Variants in ARL15 observed in about 807,000 individuals in gnomAD.
ARL15 encodes the protein ARF like GTPase 15.
Under a neutral mutation model 25.2 loss-of-function variants are expected in ARL15, and 19 were observed. The observed-to-expected ratio is 0.75, with a 90% CI of 0.53 to 1.10. The LOEUF (loss-of-function observed/expected upper bound fraction) is 1.10, where lower values mean the gene tolerates loss of function less well. Among genes scored for constraint, ARL15 ranks in the 50% least tolerant of loss-of-function variants. The pLI, the probability that ARL15 is intolerant of heterozygous loss-of-function variation, is 0.00. For synonymous variants in ARL15, 94 were observed against 86.8 expected (o/e 1.08, Z -0.46); for missense variants, 220 against 246.0 (o/e 0.89, Z 0.71).
chr5:54,205,183 G>A (rs139734387), intron 1 of ARL15, among the ~76,000 whole-genome samples: 28 of 152,134 alleles, frequency 1.8e-4, no homozygotes, highest in Middle Eastern at 3.4e-3. Context: ...GCTCACTTTG[G>A]ATGAAGTACT....
chr5:54,110,231 C>G (rs962827826), intron 4 of ARL15, among the ~76,000 whole-genome samples: 1 of 151,918 alleles, frequency 6.6e-6, no homozygotes, highest in African/African-American at 2.4e-5. Flanking sequence ...ATACAACTTC[C>G]TTATGATTTT....
intron 3 of ARL15, among the ~76,000 whole-genome samples, chr5:54,118,497 T>G (rs964109017): frequency 1.3e-5 from 2 of 152,224 alleles, no homozygotes; most frequent in Non-Finnish European, 2.9e-5. Flanking sequence ...TAACATGGCT[T>G]TAATTTCTGA....
chr5:54,077,943 GT>G (rs1278524978), intron 4 of ARL15, among the ~76,000 whole-genome samples: 5 of 152,150 alleles, frequency 3.3e-5, no homozygotes, highest in Non-Finnish European at 7.3e-5. Context: ...TTAATAAAGC[GT>G]TATGGGAAAG....
intron 4 of ARL15, among the ~76,000 whole-genome samples, chr5:53,925,182 T>C (rs1745979187): frequency 6.6e-6 from 1 of 150,426 alleles, no homozygotes; most frequent in South Asian, 2.1e-4. Context: ...ACCTACAGTT[T>C]CATAATTCTA....
At chr5:53,946,489 A>AAT (rs1746737733) in intron 4 of ARL15, among the ~76,000 whole-genome samples, 1 of 151,380 alleles carries the variant, frequency 6.6e-6, no homozygotes. Context: ...AAGACATAAT[A>AAT]AAGCCAGATT....
At chr5:53,886,850 G>T in intron 4 of ARL15, 137 bp from the exon 5 acceptor site, 1 of 772,458 alleles carries the variant, frequency 1.3e-6, no homozygotes, top group Non-Finnish European at 2.0e-6. Context: ...TTTGCAATGT[G>T]GATGCCTGTC....
intron 4 of ARL15, among the ~76,000 whole-genome samples, chr5:54,039,384 A>G (rs1750262736): frequency 6.6e-6 from 1 of 152,232 alleles, no homozygotes; most frequent in South Asian, 2.1e-4. Flanking sequence ...AAAACAAGAT[A>G]TTCATCCTTA....
At chr5:54,261,638 A>G (rs774269039) in intron 1 of ARL15, among the ~76,000 whole-genome samples, 5 of 152,206 alleles carry the variant, frequency 3.3e-5, no homozygotes, top group Non-Finnish European at 5.9e-5. Flanking sequence ...AAATATCCCC[A>G]GAGAATATCT....
At chr5:54,030,440 T>G (rs1232195528) in intron 4 of ARL15, among the ~76,000 whole-genome samples, 1 of 152,196 alleles carries the variant, frequency 6.6e-6, no homozygotes, top group Non-Finnish European at 1.5e-5. Context: ...AATTTAAAAG[T>G]CTTTTCAATT....
At chr5:54,205,755 C>G (rs1033908066) in intron 1 of ARL15, among the ~76,000 whole-genome samples, 1 of 152,172 alleles carries the variant, frequency 6.6e-6, no homozygotes, top group Admixed American at 6.5e-5. Context: ...ATGTTCCTGT[C>G]CTCTAGGAAC....
At chr5:53,982,418 G>A (rs988356661) in intron 4 of ARL15, among the ~76,000 whole-genome samples, 5 of 144,506 alleles carry the variant, frequency 3.5e-5, no homozygotes, top group Non-Finnish European at 4.5e-5. Flanking sequence ...TCCCACCTAT[G>A]AGTGAGAACA....
chr5:54,295,344 A>C (rs543583227), intron 1 of ARL15, among the ~76,000 whole-genome samples: 2 of 152,336 alleles, frequency 1.3e-5, no homozygotes, highest in East Asian at 3.9e-4. Context: ...CCAAATAATG[A>C]CATAATGAAA....
chr5:54,273,604 CT>C (rs1757848319), intron 1 of ARL15, among the ~76,000 whole-genome samples: 1 of 152,160 alleles, frequency 6.6e-6, no homozygotes, highest in Admixed American at 6.5e-5. Context: ...CAAATTCTGC[CT>C]CAAAATCCTA....
chr5:54,008,003 G>T (rs1400725585), intron 4 of ARL15, among the ~76,000 whole-genome samples: 1 of 152,140 alleles, frequency 6.6e-6, no homozygotes, highest in Non-Finnish European at 1.5e-5. Flanking sequence ...GCACAGACCG[G>T]CTCCTGCTTT....
intron 4 of ARL15, among the ~76,000 whole-genome samples, chr5:53,961,495 C>CAAAAAAAAAAAAAAAAAAAAAAAAAAAA (rs10589852): frequency 1.5e-5 from 1 of 68,876 alleles, no homozygotes. Flanking sequence ...GACTCTGTCT[C>CAAAAAAAAAAAAAAAAAAAAAAAAAAAA]AAAAAAAAAA....
At chr5:53,895,427 G>C (rs1418089532) in intron 4 of ARL15, among the ~76,000 whole-genome samples, 1 of 152,132 alleles carries the variant, frequency 6.6e-6, no homozygotes, top group Non-Finnish European at 1.5e-5. Flanking sequence ...GTAGAGACTT[G>C]CTAAGACCAC....
At chr5:54,155,787 T>C (rs1364840366) in intron 2 of ARL15, among the ~76,000 whole-genome samples, 1 of 152,020 alleles carries the variant, frequency 6.6e-6, no homozygotes, top group African/African-American at 2.4e-5. Flanking sequence ...TCAGGAAAAC[T>C]GGGAATCTGG....
At position 53,909,245 on chromosome 5, in the gene ARL15, G is replaced by A. The variant is rs558278416; in HGVS notation, c.463-22532C>T. Among the ~76,000 whole-genome samples, 716 of 152,190 alleles carry A rather than the reference G, an allele frequency of 4.7e-3. 3 individuals carry two copies. The highest frequency in any genetic ancestry group is 0.016 in the African/African-American group (677 of 41,530). On this transcript the variant is annotated intron_variant, in intron 4 of 4. Transcript: ENST00000504924. The stretch of plus-strand genomic sequence containing the variant: ...TAATTAAGAAAATTATTTGAGCACA[G>A]AAAAAGGTATGGAAGAAGCCACATC...
chr5:54,227,616 A>C (rs1297888537), intron 1 of ARL15, among the ~76,000 whole-genome samples: 3 of 152,248 alleles, frequency 2.0e-5, no homozygotes, highest in Non-Finnish European at 4.4e-5. Flanking sequence ...CGCAGTTCAG[A>C]AAGGCCTGAA....
Sources: allele counts gnomAD v4.1 joint callset (sites outside exome capture counted in the v4.1 genomes callset), GRCh38; gene constraint gnomAD v4.1.1; transcripts MANE v1.5; gene names NCBI Gene and HGNC (gene_info 2026-07-23, HGNC 2026-07-21).